Variants in DLC1 observed in about 807,000 individuals in gnomAD.
DLC1 encodes the protein rho GTPase-activating protein 7.
In DLC1, 54 loss-of-function variants were observed where a neutral mutation model predicts 140.3. The observed-to-expected ratio is 0.38, with a 90% confidence interval of 0.31 to 0.48. The LOEUF is 0.48. Among genes scored for constraint, DLC1 ranks in the 20% least tolerant of loss-of-function variants. DLC1 has a pLI of 0.96. For missense variants in DLC1, 2,536 were observed against 1,907.0 expected (o/e 1.33, Z -6.14); for synonymous variants, 986 against 728.1 (o/e 1.35, Z -5.70).
chr8:13,595,062 T>A (rs1805640160), intron 1 of DLC1, among the ~76,000 whole-genome samples: 1 of 152,062 alleles, frequency 6.6e-6, no homozygotes, highest in Non-Finnish European at 1.5e-5. Flanking sequence ...ACCGCAGTTT[T>A]CTCTTCAGAT....
chr8:13,555,542 A>C (rs1440419134), intron 1 of DLC1, among the ~76,000 whole-genome samples: 1 of 151,962 alleles, frequency 6.6e-6, no homozygotes, highest in African/African-American at 2.4e-5. Flanking sequence ...CCCAGGCTGG[A>C]GGGCAGTGGT....
chr8:13,406,299 T>A (rs1837559662), intron 2 of DLC1, among the ~76,000 whole-genome samples: 1 of 151,154 alleles, frequency 6.6e-6, no homozygotes, highest in Non-Finnish European at 1.5e-5. Context: ...ATTACAAGTG[T>A]GAGCCACTGC....
intron 2 of DLC1, among the ~76,000 whole-genome samples, chr8:13,427,961 A>C (rs1015438549): frequency 4.6e-5 from 7 of 152,208 alleles, no homozygotes; most frequent in African/African-American, 1.7e-4. Flanking sequence ...CCATCTGGCC[A>C]GAAATCCAGT....
At chr8:13,236,353 T>C (rs1269911211) in intron 5 of DLC1, among the ~76,000 whole-genome samples, 2 of 152,122 alleles carry the variant, frequency 1.3e-5, no homozygotes, top group African/African-American at 2.4e-5. Flanking sequence ...CGTCAGTGAA[T>C]AGCGCTATTG....
chr8:13,269,701 C>CAAAA (rs57030004), intron 5 of DLC1, among the ~76,000 whole-genome samples: 79 of 99,420 alleles, frequency 7.9e-4, no homozygotes, highest in African/African-American at 1.1e-3. Context: ...AAAACTCTGT[C>CAAAA]AAAAAAAAAA....
At chr8:13,424,932 A>G (rs1018865783) in intron 2 of DLC1, among the ~76,000 whole-genome samples, 1 of 152,210 alleles carries the variant, frequency 6.6e-6, no homozygotes, top group Non-Finnish European at 1.5e-5. Flanking sequence ...ATAATGTACC[A>G]ATGCATATGG....
At chr8:13,354,641 C>G (rs1834835641) in intron 4 of DLC1, among the ~76,000 whole-genome samples, 1 of 151,890 alleles carries the variant, frequency 6.6e-6, no homozygotes. Flanking sequence ...CAGCTATGTG[C>G]AAAAATGAAA....
intron 4 of DLC1, among the ~76,000 whole-genome samples, chr8:13,329,038 T>A (rs1324207976): frequency 6.6e-6 from 1 of 152,142 alleles, no homozygotes; most frequent in Non-Finnish European, 1.5e-5. Context: ...AGACATTTAT[T>A]CATTGAATCA....
chr8:13,282,268 G>A (rs959887999), intron 5 of DLC1, among the ~76,000 whole-genome samples: 6 of 152,216 alleles, frequency 3.9e-5, no homozygotes, highest in Admixed American at 2.0e-4. Flanking sequence ...TAATCCTCTC[G>A]ATCATTTCTT....
At chr8:13,319,498 C>T (rs965291895) in intron 4 of DLC1, among the ~76,000 whole-genome samples, 4 of 35,772 alleles carry the variant, frequency 1.1e-4, no homozygotes, top group African/African-American at 2.8e-4. Context: ...GGATTTCCCC[C>T]TTGCTGTTCT....
chr8:13,593,514 C>A (rs1264475222), intron 1 of DLC1, among the ~76,000 whole-genome samples: 2 of 152,090 alleles, frequency 1.3e-5, no homozygotes, highest in Non-Finnish European at 2.9e-5. Context: ...CAGCAACCTG[C>A]CAGTTCTAGG....
Position 13,148,257 on chromosome 8 carries a change from T to C in DLC1, c.1349-32600A>G, listed in dbSNP as rs1420138852. Among the ~76,000 whole-genome samples the C allele has an allele frequency of 2.0e-5, 3 of 152,224 alleles. 1 individual carries two copies. In the East Asian group the frequency reaches 5.8e-4, roughly 29 times the overall value. ...AGGAATTAAGTCCAGTACCCAATAGTGATCTTTTCTGCTCCTCTCCCTCCT... is the reference window on the plus strand; with the variant it reads ...AGGAATTAAGTCCAGTACCCAATAGCGATCTTTTCTGCTCCTCTCCCTCCT... On this transcript the variant is annotated intron_variant, in intron 5 of 17. Transcript: ENST00000276297.
intron 7 of DLC1, among the ~76,000 whole-genome samples, chr8:13,109,044 T>A (rs1412883363): frequency 6.6e-6 from 1 of 152,194 alleles, no homozygotes; most frequent in Non-Finnish European, 1.5e-5. Context: ...AAGAGGACTG[T>A]TTGTTTTTTC....
chr8:13,603,921 G>A (rs370776387), intron 1 of DLC1, among the ~76,000 whole-genome samples: 11 of 152,048 alleles, frequency 7.2e-5, no homozygotes, highest in African/African-American at 2.2e-4. Flanking sequence ...CTTGGACTGC[G>A]TGAGTCTGTT....
At chr8:13,388,974 G>A (rs1836638338) in intron 4 of DLC1, among the ~76,000 whole-genome samples, 1 of 151,910 alleles carries the variant, frequency 6.6e-6, no homozygotes, top group Admixed American at 6.6e-5. Context: ...TATTAATTCT[G>A]AATCCAGGTG....
At chr8:13,204,118 G>A (rs186790120) in intron 5 of DLC1, among the ~76,000 whole-genome samples, 99 of 152,236 alleles carry the variant, frequency 6.5e-4, no homozygotes, top group African/African-American at 2.3e-3. Flanking sequence ...GGGGAAAAAA[G>A]ACTGTTCTGT....
intron 5 of DLC1, among the ~76,000 whole-genome samples, chr8:13,132,711 C>T (rs1240668663): frequency 6.6e-6 from 1 of 152,218 alleles, no homozygotes; most frequent in African/African-American, 2.4e-5. Context: ...CCGCGGTCCC[C>T]AGGCAAAAGG....
At chr8:13,293,517 C>A (rs1001135887) in intron 5 of DLC1, among the ~76,000 whole-genome samples, 1 of 152,172 alleles carries the variant, frequency 6.6e-6, no homozygotes, top group Non-Finnish European at 1.5e-5. Flanking sequence ...TGAGTTGTTT[C>A]ATCTGCCAAA....
rs184548118 is a variant in DLC1 at position 13,401,113 on chromosome 8, T to C, written c.1173+357A>G. Reference sequence around the variant, plus strand: ...AGATTCTTCTATATGCAATACAGATTTGTGGGCCAGTCATAGACATAGTGC... The same window carrying C: ...AGATTCTTCTATATGCAATACAGATCTGTGGGCCAGTCATAGACATAGTGC... On this transcript the variant is annotated intron_variant, in intron 3 of 17. Coordinates refer to ENST00000276297, the MANE Select transcript of DLC1 (RefSeq NM_182643.3). 3.0e-4 allele frequency among the ~76,000 whole-genome samples: 45 copies of C among 152,272 alleles called. 1 individual carries two copies. In the East Asian group the frequency reaches 7.5e-3, roughly 25 times the overall value.
Sources: allele counts gnomAD v4.1 joint callset (sites outside exome capture counted in the v4.1 genomes callset), GRCh38; gene constraint gnomAD v4.1.1; transcripts MANE v1.5; gene names NCBI Gene and HGNC (gene_info 2026-07-23, HGNC 2026-07-21).